ADPRHL1: variants seen among roughly 807,000 people sequenced by gnomAD.
ADPRHL1 encodes the protein ADP-ribosylhydrolase like 1.
ADPRHL1 carries 43 observed loss-of-function variants against 44.1 expected under a neutral mutation model. The observed-to-expected ratio is 0.98, with a 90% CI of 0.76 to 1.26. ADPRHL1 has a LOEUF of 1.26. Ranked by LOEUF, ADPRHL1 falls within the 50% of genes most tolerant of loss-of-function variation. The pLI, the probability that ADPRHL1 is intolerant of heterozygous loss-of-function variation, is 0.00. For synonymous variants in ADPRHL1, 878 were observed against 1,017.4 expected, an observed-to-expected ratio of 0.86 and a Z score of 2.61; for missense variants, 2,022 against 2,496.9, an observed-to-expected ratio of 0.81 and a Z score of 4.05.
chr13:113,451,556 C>CCAG (rs766257893), intron 1 of ADPRHL1, among the ~76,000 whole-genome samples: 30 of 152,320 alleles, frequency 2.0e-4, no homozygotes, highest in Non-Finnish European at 3.7e-4. Context: ...GCCTGTCATC[C>CCAG]CAGCACTTTG....
rs1555325875 is a variant in ADPRHL1 at position 113,414,679 on chromosome 13, G to GCT, written c.1062-6460_1062-6459insAG. 8.3e-3 allele frequency among the ~76,000 whole-genome samples: 1,155 copies of GCT among 138,902 alleles called. 18 individuals are homozygous for GCT. The highest frequency in any genetic ancestry group is 0.028 in the African/African-American group (1,055 of 37,928). The allele number at this position is 138,902 out of a possible 152,430, so 91.1% of individuals were successfully genotyped here. ...GCTGAGCAGGGGTCTTCTGTTTTCT[G>GCT]TTTTTTTTTTTTTTTAGATGGAGTC... On this transcript the variant is annotated intron_variant, in intron 7 of 7. Coordinates refer to ENST00000612156, the MANE Select transcript of ADPRHL1 (RefSeq NM_001394807.1).
intron 7 of ADPRHL1, chr13:113,410,076 C>G (rs186869920): frequency 4.1e-6 from 4 of 985,272 alleles, no homozygotes; most frequent in Non-Finnish European, 4.8e-6. Flanking sequence ...GAGGTGACAG[C>G]GGCTGACCAC....
chr13:113,418,298 C>T (rs1048423434), intron 7 of ADPRHL1, among the ~76,000 whole-genome samples: 7 of 152,106 alleles, frequency 4.6e-5, no homozygotes, highest in Non-Finnish European at 1.0e-4. Context: ...GCATGGCTGG[C>T]CATTAGGGAG....
Position 113,404,854 on chromosome 13 carries a change from G to C in ADPRHL1, c.4428C>G (p.Pro1476=). 1 of 1,248,360 alleles carries C rather than the reference G, an allele frequency of 8.0e-7. No homozygotes were observed. The highest frequency in any genetic ancestry group is 1.0e-6 in the Non-Finnish European group (1 of 999,014). 77.3% of individuals were successfully genotyped at this position (1,248,360 alleles called of 1,614,324 possible). ...ARNPAVPPGE[P]EGPGSPAAQG... ...GGGCTGCCGGGCTTCCCGGCCCCTC[G>C]GGCTCCCCTGGAGGCACAGCTGGGT... Residue 1476 remains proline, a synonymous_variant, in exon 8 of 8, where the codon CCC becomes CCG. Transcript: ENST00000612156.
chr13:113,444,461 A>G lies in ADPRHL1; in HGVS notation c.343T>C (p.Tyr115His). ...AACGGTGTGTGCCAGGCGAGAAGGT[A>G]GTTATTGGGCTTTAGCTGAGCACAG... ...EGCAQLKPNN[Y>H]LLAWHTPFNE... Residue 115 changes from tyrosine to histidine, a missense_variant, in exon 2 of 8, where the codon TAC (tyrosine) becomes CAC (histidine). Physicochemically the swap from Tyr to His is moderately conservative, Grantham distance 83. Coordinates refer to ENST00000612156, the MANE Select transcript of ADPRHL1 (RefSeq NM_001394807.1). The G allele has an allele frequency of 1.2e-6, 2 of 1,614,204 alleles. No individual in the cohort carries two copies. The highest frequency in any genetic ancestry group is 1.3e-5 in the African/African-American group (1 of 75,060).
chr13:113,424,461 C>T (rs998412627), intron 5 of ADPRHL1, 112 bp from the exon 6 acceptor site: 85 of 1,444,158 alleles, frequency 5.9e-5, no homozygotes, highest in Non-Finnish European at 7.7e-5. Context: ...CATCCATCCA[C>T]CCTTTTCTTT....
intron 7 of ADPRHL1, among the ~76,000 whole-genome samples, chr13:113,421,517 A>C (rs1038332074): frequency 3.3e-5 from 5 of 152,150 alleles, no homozygotes; most frequent in Non-Finnish European, 7.4e-5. Context: ...CCTTGCACTG[A>C]ATGAATGCAG....
intron 1 of ADPRHL1, among the ~76,000 whole-genome samples, chr13:113,446,544 G>T (rs1226864832): frequency 6.6e-6 from 1 of 152,018 alleles, no homozygotes; most frequent in Non-Finnish European, 1.5e-5. Context: ...TATACTCACA[G>T]CATTGTCTAC....
In ADPRHL1 at chr13:113,404,805, G is replaced by A. The variant is rs1325631633; in HGVS notation, c.4477C>T (p.Gln1493Ter). 1.6e-6 allele frequency: 2 copies of A among 1,254,704 alleles called. No homozygotes were observed. Among genetic ancestry groups the A allele is most frequent in the Non-Finnish European group, 2.0e-6 (2 of 1,002,892 alleles). 77.7% of individuals were successfully genotyped at this position (1,254,704 alleles called of 1,614,324 possible). The change falls in exon 8 of 8, where the codon CAG becomes TAG. Residue 1493 changes from glutamine (Q) to a stop codon, truncating the protein, a stop_gained. Coordinates refer to ENST00000612156, the MANE Select transcript of ADPRHL1 (RefSeq NM_001394807.1). LOFTEE classifies it low-confidence loss of function (END_TRUNC). Reference sequence around the variant, plus strand: ...TGAACCTGTCCCCGGTCCCATTCCTGAACCTGTTTCTGGGCCTGTCCTTGG... The same window carrying A: ...TGAACCTGTCCCCGGTCCCATTCCTAAACCTGTTTCTGGGCCTGTCCTTGG... ...AAQGQAQKQV[Q>*]EWDRGQVQGH... is the part of the protein sequence containing the mutation.
At chr13:113,417,223 G>A (rs1157980159) in intron 7 of ADPRHL1, among the ~76,000 whole-genome samples, 1 of 152,320 alleles carries the variant, frequency 6.6e-6, no homozygotes, top group Non-Finnish European at 1.5e-5. Flanking sequence ...AGACAAGGCT[G>A]TCCCCCCAAT....
At chr13:113,419,042 T>C (rs2043901620) in intron 7 of ADPRHL1, among the ~76,000 whole-genome samples, 5 of 149,940 alleles carry the variant, frequency 3.3e-5, no homozygotes, top group Non-Finnish European at 5.9e-5. Context: ...TCCCCTCCCC[T>C]TCCCTTCCTT....
chr13:113,429,528 C>A (rs1294394412), intron 3 of ADPRHL1, among the ~76,000 whole-genome samples: 1 of 152,266 alleles, frequency 6.6e-6, no homozygotes, highest in Non-Finnish European at 1.5e-5. Context: ...GCATTCCGTG[C>A]GTGGACGAAC....
chr13:113,436,046 T>C (rs67026811), intron 2 of ADPRHL1, among the ~76,000 whole-genome samples: 13 of 148,380 alleles, frequency 8.8e-5, no homozygotes, highest in African/African-American at 2.8e-4. Flanking sequence ...AGAGTGAACA[T>C]AGGTGTACCC....
intron 7 of ADPRHL1, among the ~76,000 whole-genome samples, chr13:113,420,651 C>T (rs1212404459): frequency 6.6e-6 from 1 of 152,058 alleles, no homozygotes; most frequent in Non-Finnish European, 1.5e-5. Flanking sequence ...GTGTGCCTGT[C>T]TCTCTGGTTC....
At chr13:113,434,099 G>C (rs1401584233) in intron 2 of ADPRHL1, among the ~76,000 whole-genome samples, 2 of 152,220 alleles carry the variant, frequency 1.3e-5, no homozygotes, top group East Asian at 1.9e-4. Context: ...AAAACAGAAC[G>C]TTTGATGGCC....
rs1051788195 is a variant in ADPRHL1, at chr13:113,405,285, G to A, written c.3997C>T (p.Arg1333Trp). 9.1e-5 allele frequency: 112 copies of A among 1,231,758 alleles called. No individual in the cohort carries two copies. Among genetic ancestry groups the A allele is most frequent in the Non-Finnish European group, 1.1e-4 (104 of 988,102 alleles). The allele number at this position is 1,231,758 out of a possible 1,614,324, so 76.3% of individuals were successfully genotyped here. ...TGTGCCTGTAGATGGGGAGGGCCCCGCTGGTGGGTGCCACCTACCCACCCC... is the reference window on the plus strand; with the variant it reads ...TGTGCCTGTAGATGGGGAGGGCCCCACTGGTGGGTGCCACCTACCCACCCC... ...DMGWVGGTHQ[R>W]GPPHLQAHLP... Residue 1333 changes from arginine to tryptophan, a missense_variant, in exon 8 of 8, where the codon CGG becomes TGG. Arg to Trp is a moderately radical substitution (Grantham distance 101). Transcript: ENST00000612156.
chr13:113,437,304 C>T (rs1449802619), intron 2 of ADPRHL1, among the ~76,000 whole-genome samples: 5 of 150,926 alleles, frequency 3.3e-5, no homozygotes, highest in Non-Finnish European at 7.4e-5. Context: ...GCAGGGTGAA[C>T]ACAGGTGTAC....
In ADPRHL1 at chr13:113,402,445, C is replaced by T. The variant is rs2043769113; in HGVS notation, c.*933G>A. 1 of 152,286 alleles carries T rather than the reference C, an allele frequency of 6.6e-6. No individual in the cohort carries two copies. The highest frequency in any genetic ancestry group is 1.5e-5 in the Non-Finnish European group (1 of 68,088). 9.4% of individuals were successfully genotyped at this position (152,286 alleles called of 1,614,324 possible). On this transcript the variant is annotated 3_prime_UTR_variant, in exon 8 of 8. Coordinates refer to ENST00000612156, the MANE Select transcript of ADPRHL1 (RefSeq NM_001394807.1). ...ATATTCCAGCCTGAACATGCATTAC[C>T]TCAGTACCTGAACAGGGCCGGAGTC... is the stretch of plus-strand genomic sequence containing the variant.
At chr13:113,426,229 C>T (rs956319944) in intron 4 of ADPRHL1, among the ~76,000 whole-genome samples, 2 of 152,208 alleles carry the variant, frequency 1.3e-5, no homozygotes, top group African/African-American at 2.4e-5. Context: ...CCTTCCCCGC[C>T]GTGGAGCCAG....
Sources: gnomAD v4.1 joint callset for allele counts (sites outside exome capture counted in the v4.1 genomes callset) on GRCh38, gnomAD v4.1.1 for gene constraint, MANE v1.5 for transcripts, NCBI Gene and HGNC (gene_info 2026-07-23, HGNC 2026-07-21) for gene names.